The following PLS3 variants were observed in gnomAD, a reference collection of about 807,000 sequenced individuals.
PLS3 encodes the protein plastin 3, also known as plastin-3.
A neutral mutation model predicts 46.5 loss-of-function variants in PLS3; 11 were observed. The observed-to-expected ratio is 0.24, with a 90% confidence interval of 0.15 to 0.39. PLS3 has a LOEUF of 0.39. Among genes scored for constraint, PLS3 ranks in the 10% least tolerant of loss-of-function variants. PLS3 has a pLI of 1.00. For missense variants in PLS3, 308 were observed against 461.8 expected (o/e 0.67, Z 3.05); for synonymous variants, 167 against 162.2 (o/e 1.03, Z -0.22).
At chrX:115,593,078 A>C (rs1203778428) in intron 1 of PLS3, among the ~76,000 whole-genome samples, 1 of 112,078 alleles carries the variant, frequency 8.9e-6, no homozygotes, top group Admixed American at 9.5e-5. Context: ...ACACCTTAGC[A>C]TATGGGGTGT....
chrX:115,649,608 G>A lies in PLS3; in HGVS notation c.*47G>A. 7.0e-6 allele frequency: 8 copies of A among 1,136,924 alleles called. No individual in the cohort carries two copies. The highest frequency in any genetic ancestry group is 9.5e-6 in the Non-Finnish European group (8 of 840,693). The allele number at this position is 1,136,924 out of a possible 1,213,427, so 93.7% of individuals were successfully genotyped here. On this transcript the variant is annotated 3_prime_UTR_variant, in exon 16 of 16. Transcript: ENST00000355899. The stretch of plus-strand genomic sequence containing the variant: ...AGCCATGCTCCCAGGTGCATGATTC[G>A]CAGGTCAGCTATTTCCAGGTGAAGT...
intron 1 of PLS3, among the ~76,000 whole-genome samples, chrX:115,599,227 A>G (rs1282984282): frequency 9.3e-6 from 1 of 107,299 alleles, no homozygotes; most frequent in Non-Finnish European, 1.9e-5. Context: ...TTGGCTGGGC[A>G]CTGCAGCTCA....
rs2074986002 is a variant in PLS3, at chrX:115,649,783, A to G, written c.*222A>G. 3.3e-6 allele frequency: 1 copy of G among 298,833 alleles called. No individual in the cohort carries two copies. Among genetic ancestry groups the G allele is most frequent in the Non-Finnish European group, 6.0e-6 (1 of 167,529 alleles). The allele number at this position is 298,833 out of a possible 1,213,427, so 24.6% of individuals were successfully genotyped here. A position where few individuals can be genotyped will look rare whatever the true frequency, so the allele number is the denominator to read the frequency against. ...GAGTTGAATTTGTCAGGCACGCCTG[A>G]AATGTGCTCATAGCCAAAACATTTT... is the stretch of plus-strand genomic sequence containing the variant. On this transcript the variant is annotated 3_prime_UTR_variant, in exon 16 of 16. Coordinates refer to ENST00000355899, the MANE Select transcript of PLS3 (RefSeq NM_005032.7).
At chrX:115,601,990 GTGTCTGTCA>G (rs1189545833) in intron 1 of PLS3, among the ~76,000 whole-genome samples, 1 of 111,834 alleles carries the variant, frequency 8.9e-6, no homozygotes, top group Non-Finnish European at 1.9e-5. Context: ...TGCTGCGAGT[GTGTCTGTCA>G]CTAACACAAG....
In PLS3 at chrX:115,647,635, A is replaced by G; in HGVS notation, c.1597A>G (p.Ser533Gly). The G allele has an allele frequency of 8.3e-7, 1 of 1,206,076 alleles. No individual in the cohort carries two copies. The highest frequency in any genetic ancestry group is 1.1e-6 in the Non-Finnish European group (1 of 890,523). The change falls in exon 14 of 16, where the codon AGT becomes GGT. Residue 533 changes from serine to glycine, a missense_variant. Ser to Gly is a moderately conservative substitution (Grantham distance 56, BLOSUM62 0). Transcript: ENST00000355899. Reference sequence around the variant, plus strand: ...TGTGAACTGGGTGAACAGAACGTTGAGTGAAGCTGGAAAATCAACTTCCAT... The same window carrying G: ...TGTGAACTGGGTGAACAGAACGTTGGGTGAAGCTGGAAAATCAACTTCCAT... ...IIVNWVNRTL[S>G]EAGKSTSIQS...
At chrX:115,570,097 C>T (rs782422418) in intron 1 of PLS3, among the ~76,000 whole-genome samples, 16 of 110,437 alleles carry the variant, frequency 1.4e-4, no homozygotes, top group Admixed American at 9.7e-4. Context: ...CCACTGTGCC[C>T]GGCTAATTTT....
intron 1 of PLS3, among the ~76,000 whole-genome samples, chrX:115,563,320 T>G (rs782639397): frequency 8.9e-6 from 1 of 111,863 alleles, no homozygotes; most frequent in Non-Finnish European, 1.9e-5. Context: ...AAACAGTGGA[T>G]AGTAAATTTG....
At chrX:115,591,130 C>G (rs1450243932) in intron 1 of PLS3, among the ~76,000 whole-genome samples, 1 of 111,868 alleles carries the variant, frequency 8.9e-6, no homozygotes, top group Non-Finnish European at 1.9e-5. Context: ...CAGAGCGAGA[C>G]TCCGTCTCAA....
intron 1 of PLS3, among the ~76,000 whole-genome samples, chrX:115,589,235 G>C (rs1363577749): frequency 9.0e-6 from 1 of 111,196 alleles, no homozygotes; most frequent in African/African-American, 3.3e-5. Context: ...GCCTCCCAAG[G>C]TGCTGGGATT....
chrX:115,567,482 C>G (rs1483516873), intron 1 of PLS3, among the ~76,000 whole-genome samples: 2 of 109,580 alleles, frequency 1.8e-5, no homozygotes, highest in Admixed American at 9.9e-5. Flanking sequence ...TCCCAGCTAC[C>G]CAAGAGGCTG....
At chrX:115,630,824 CATGTATAT>C (rs1361768691) in intron 5 of PLS3, among the ~76,000 whole-genome samples, 1 of 88,222 alleles carries the variant, frequency 1.1e-5, no homozygotes, top group African/African-American at 4.3e-5. Context: ...ATATATAATA[CATGTATAT>C]ATGTATATAT....
At chrX:115,575,003 C>T (rs782614496) in intron 1 of PLS3, among the ~76,000 whole-genome samples, 2 of 112,092 alleles carry the variant, frequency 1.8e-5, no homozygotes, top group South Asian at 3.7e-4. Flanking sequence ...TCACCTTCCA[C>T]AGCACTCTAC....
At chrX:115,584,935 C>T (rs1167583290) in intron 1 of PLS3, among the ~76,000 whole-genome samples, 1 of 111,505 alleles carries the variant, frequency 9.0e-6, no homozygotes, top group African/African-American at 3.3e-5. Context: ...CCCATATTTG[C>T]TCACATCTCT....
chrX:115,565,401 C>T (rs1556630003), intron 1 of PLS3, among the ~76,000 whole-genome samples: 2 of 111,214 alleles, frequency 1.8e-5, no homozygotes, highest in African/African-American at 6.5e-5. Flanking sequence ...GCAGTCTGGA[C>T]AGATAGATTA....
intron 1 of PLS3, among the ~76,000 whole-genome samples, chrX:115,587,417 G>C (rs1378580981): frequency 8.9e-6 from 1 of 112,194 alleles, no homozygotes; most frequent in African/African-American, 3.2e-5. Flanking sequence ...TTTGAGTTGT[G>C]AGCTAAACTA....
chrX:115,642,341 C>T (rs1322354089), intron 9 of PLS3, among the ~76,000 whole-genome samples: 3 of 111,399 alleles, frequency 2.7e-5, no homozygotes, highest in Non-Finnish European at 5.6e-5. Context: ...ACCATTCTCC[C>T]TACGCTCAAA....
intron 1 of PLS3, among the ~76,000 whole-genome samples, chrX:115,570,934 C>T (rs1187590247): frequency 1.1e-5 from 1 of 89,604 alleles, no homozygotes; most frequent in Non-Finnish European, 2.1e-5. Context: ...CTCACTGTGT[C>T]GTCCAGGCTG....
At chrX:115,645,479 GA>G (rs1273214687) in intron 11 of PLS3, among the ~76,000 whole-genome samples, 2 of 107,298 alleles carry the variant, frequency 1.9e-5, no homozygotes, top group Non-Finnish European at 3.9e-5. Context: ...CTCTAAGAGG[GA>G]AAAAAAAAGA....
intron 2 of PLS3, among the ~76,000 whole-genome samples, chrX:115,615,204 C>A (rs1556636614): frequency 9.0e-6 from 1 of 111,102 alleles, no homozygotes; most frequent in African/African-American, 3.3e-5. Context: ...CAGCTAAAAT[C>A]AAAACCACTT....
Sources: allele counts gnomAD v4.1 joint callset (sites outside exome capture counted in the v4.1 genomes callset), GRCh38; gene constraint gnomAD v4.1.1; transcripts MANE v1.5; gene names NCBI Gene and HGNC (gene_info 2026-07-23, HGNC 2026-07-21).